RAPGEF4: variants seen among roughly 807,000 people sequenced by gnomAD.
The protein encoded by RAPGEF4 is RAP guanine-nucleotide-exchange factor (GEF) 4.
Under a neutral mutation model 147.9 loss-of-function variants are expected in RAPGEF4, and 66 were observed. The ratio of observed to expected loss-of-function variants is 0.45; its 90% CI spans 0.37 to 0.55. The LOEUF (loss-of-function observed/expected upper bound fraction) is 0.55. RAPGEF4 is among the 20% of genes least tolerant of loss of function. The pLI, the probability that RAPGEF4 is intolerant of heterozygous loss-of-function variation, is 0.00. For synonymous variants in RAPGEF4, 419 were observed against 442.7 expected (o/e 0.95, Z 0.67); for missense variants, 1,071 against 1,257.3 (o/e 0.85, Z 2.24).
At chr2:172,736,977 A>G (rs1693840858) in intron 1 of RAPGEF4, among the ~76,000 whole-genome samples, 1 of 152,238 alleles carries the variant, frequency 6.6e-6, no homozygotes, top group Non-Finnish European at 1.5e-5. Flanking sequence ...TTTGTGTGAA[A>G]TATTTTGTGC....
chr2:173,030,723 AGTTGAGTACTAAGTGTCG>A (rs1697114943), intron 26 of RAPGEF4, among the ~76,000 whole-genome samples: 1 of 152,238 alleles, frequency 6.6e-6, no homozygotes, highest in Non-Finnish European at 1.5e-5. Context: ...TGTTTGCAGC[AGTTGAGTACTAAGTGTCG>A]CCTCACCACC....
At chr2:173,010,583 TA>T (rs1444253857) in intron 17 of RAPGEF4, among the ~76,000 whole-genome samples, 10 of 152,352 alleles carry the variant, frequency 6.6e-5, no homozygotes, top group African/African-American at 1.9e-4. Flanking sequence ...ACAAGGGAAC[TA>T]GTAGGATATT....
In RAPGEF4 at chr2:173,052,699, AGTT is replaced by A. The variant is rs567245444; in HGVS notation, c.*933_*935del. The A allele has an allele frequency of 2.0e-3, 310 of 152,742 alleles. No homozygotes were observed. The highest frequency in any genetic ancestry group is 7.1e-3 in the African/African-American group (297 of 41,564). 9.5% of individuals were successfully genotyped at this position (152,742 alleles called of 1,614,324 possible). On this transcript the variant is annotated 3_prime_UTR_variant, in exon 31 of 31. Transcript: ENST00000397081. The stretch of plus-strand genomic sequence containing the variant: ...ATAGTTCATTCAATCAATGGTATGG[AGTT>A]ATTTATTTGCTACATAATAGATACT...
At position 172,815,955 on chromosome 2, in the gene RAPGEF4, T is replaced by C. The variant is rs555946216; in HGVS notation, c.444+1530T>C. Among the ~76,000 whole-genome samples the C allele has an allele frequency of 7.2e-5, 11 of 152,316 alleles. No homozygotes were observed. In the South Asian group the frequency reaches 2.1e-3, roughly 29 times the overall value. ...CCCCACTGAACTCAGAAATTGTTAATGTAGAGCCATACTTGCTTCAGCTTT... is the reference window on the plus strand; with the variant it reads ...CCCCACTGAACTCAGAAATTGTTAACGTAGAGCCATACTTGCTTCAGCTTT... On this transcript the variant is annotated intron_variant, in intron 4 of 30. Coordinates refer to ENST00000397081, the MANE Select transcript of RAPGEF4 (RefSeq NM_007023.4).
intron 1 of RAPGEF4, among the ~76,000 whole-genome samples, chr2:172,762,297 G>A (rs1235340876): frequency 6.6e-6 from 1 of 152,128 alleles, no homozygotes; most frequent in Non-Finnish European, 1.5e-5. Context: ...TCCCTCTCCA[G>A]TAATCCAGCC....
chr2:173,025,211 G>T (rs1696546439), intron 23 of RAPGEF4, among the ~76,000 whole-genome samples: 1 of 152,126 alleles, frequency 6.6e-6, no homozygotes, highest in Non-Finnish European at 1.5e-5. Flanking sequence ...GGCCAGACAG[G>T]GTTGATTCCC....
intron 4 of RAPGEF4, among the ~76,000 whole-genome samples, chr2:172,917,107 A>C (rs924254131): frequency 6.6e-6 from 1 of 152,192 alleles, no homozygotes; most frequent in African/African-American, 2.4e-5. Context: ...ACCAAGCCTT[A>C]TCCCTCCTAA....
intron 5 of RAPGEF4, among the ~76,000 whole-genome samples, chr2:172,919,936 C>G (rs1231717796): frequency 3.3e-5 from 5 of 152,090 alleles, no homozygotes; most frequent in African/African-American, 1.2e-4. Flanking sequence ...TCACAGTCTT[C>G]CTTTCAGTTC....
chr2:172,946,777 G>A (rs1482021580), intron 6 of RAPGEF4, among the ~76,000 whole-genome samples: 1 of 152,178 alleles, frequency 6.6e-6, no homozygotes, highest in Non-Finnish European at 1.5e-5. Context: ...GGTTCCACCG[G>A]ATGTGCCTTT....
chr2:172,938,885 C>T (rs879444523), intron 6 of RAPGEF4, among the ~76,000 whole-genome samples: 7 of 152,160 alleles, frequency 4.6e-5, no homozygotes, highest in East Asian at 3.9e-4. Flanking sequence ...TGTTTACTCT[C>T]GATAAAGTTT....
At chr2:172,947,811 G>A (rs1302460145) in intron 6 of RAPGEF4, among the ~76,000 whole-genome samples, 1 of 152,050 alleles carries the variant, frequency 6.6e-6, no homozygotes, top group Admixed American at 6.5e-5. Context: ...TTTCATTAAA[G>A]AATATATATA....
chr2:172,915,900 G>C, intron 4 of RAPGEF4, among the ~76,000 whole-genome samples: 1 of 152,148 alleles, frequency 6.6e-6, no homozygotes, highest in East Asian at 1.9e-4. Flanking sequence ...TAAGTACTAA[G>C]TTTGTATTAT....
intron 1 of RAPGEF4, among the ~76,000 whole-genome samples, chr2:172,749,650 T>G (rs1695089807): frequency 6.6e-6 from 1 of 152,234 alleles, no homozygotes; most frequent in African/African-American, 2.4e-5. Flanking sequence ...TTTTCTCCAT[T>G]GTCTTGCTGA....
intron 26 of RAPGEF4, among the ~76,000 whole-genome samples, chr2:173,031,495 C>T (rs957465012): frequency 7.2e-5 from 11 of 152,172 alleles, no homozygotes; most frequent in Non-Finnish European, 1.2e-4. Flanking sequence ...CTTCTAATCC[C>T]CCTGCCACAG....
At chr2:172,795,655 C>A (rs200854964) in intron 2 of RAPGEF4, among the ~76,000 whole-genome samples, 33 of 152,266 alleles carry the variant, frequency 2.2e-4, no homozygotes, top group East Asian at 1.9e-3. Flanking sequence ...AATAGTTCTT[C>A]TGTTGGAACA....
intron 4 of RAPGEF4, among the ~76,000 whole-genome samples, chr2:172,897,553 C>T (rs1453795062): frequency 1.3e-5 from 2 of 151,876 alleles, no homozygotes; most frequent in Non-Finnish European, 2.9e-5. Context: ...CATATGCCAC[C>T]ATACCTGACT....
At chr2:172,814,220 G>GA in intron 3 of RAPGEF4, 59 bp from the exon 4 acceptor site, 1 of 1,560,802 alleles carries the variant, frequency 6.4e-7, no homozygotes, top group African/African-American at 1.4e-5. Flanking sequence ...TTAAAGAAAA[G>GA]AAAACACCTA....
At chr2:172,917,048 T>C (rs1684148926) in intron 4 of RAPGEF4, among the ~76,000 whole-genome samples, 1 of 152,210 alleles carries the variant, frequency 6.6e-6, no homozygotes, top group African/African-American at 2.4e-5. Flanking sequence ...TTCCATTCTT[T>C]ATAAATGTCA....
chr2:172,748,856 G>T (rs907147915), intron 1 of RAPGEF4, among the ~76,000 whole-genome samples: 1 of 152,182 alleles, frequency 6.6e-6, no homozygotes, highest in Non-Finnish European at 1.5e-5. Context: ...ACAGATATTG[G>T]GTAAATACTG....
Sources: gnomAD v4.1 joint callset for allele counts (sites outside exome capture counted in the v4.1 genomes callset) on GRCh38, gnomAD v4.1.1 for gene constraint, MANE v1.5 for transcripts, NCBI Gene and HGNC (gene_info 2026-07-23, HGNC 2026-07-21) for gene names.